DEPDC5: variants seen among roughly 807,000 people sequenced by gnomAD.
DEPDC5 encodes the protein DEP domain containing 5, GATOR1 subcomplex subunit, also known as GATOR1 complex protein DEPDC5.
A neutral mutation model predicts 217.3 loss-of-function variants in DEPDC5; 73 were observed. The ratio of observed to expected loss-of-function variants is 0.34; its 90% CI spans 0.28 to 0.41. The LOEUF (loss-of-function observed/expected upper bound fraction) is 0.41. Among genes scored for constraint, DEPDC5 ranks in the 10% least tolerant of loss-of-function variants. The probability of loss-of-function intolerance (pLI) is 1.00; values close to 1 mark genes in which losing one functional copy is unlikely to be tolerated. For missense variants in DEPDC5, 1,675 were observed against 2,070.1 expected, an observed-to-expected ratio of 0.81 and a Z score of 3.70; for synonymous variants, 733 against 756.7, an observed-to-expected ratio of 0.97 and a Z score of 0.51.
At chr22:31,842,245 G>T (rs1237217565) in intron 27 of DEPDC5, among the ~76,000 whole-genome samples, 1 of 152,208 alleles carries the variant, frequency 6.6e-6, no homozygotes, top group Non-Finnish European at 1.5e-5. Context: ...GATGATCTGG[G>T]ATTTCAGTGG....
At chr22:31,815,406 T>C (rs1568993662) in intron 21 of DEPDC5, 194 bp downstream of exon 21, 1 of 690,772 alleles carries the variant, frequency 1.4e-6, no homozygotes, top group Admixed American at 2.5e-5. Flanking sequence ...TTTTTTTTTT[T>C]TGGTGACAGA....
At chr22:31,862,421 C>T (rs1451637292) in intron 33 of DEPDC5, among the ~76,000 whole-genome samples, 1 of 150,270 alleles carries the variant, frequency 6.7e-6, no homozygotes. Flanking sequence ...AAAAAGTAGT[C>T]GGGCATGGTG....
intron 38 of DEPDC5, among the ~76,000 whole-genome samples, chr22:31,880,884 C>T (rs1049643975): frequency 2.0e-5 from 3 of 152,052 alleles, no homozygotes; most frequent in Non-Finnish European, 2.9e-5. Context: ...ATTAGCCAGG[C>T]GTGACAGTGT....
intron 24 of DEPDC5, among the ~76,000 whole-genome samples, chr22:31,828,356 C>T (rs1342954337): frequency 5.4e-5 from 8 of 147,880 alleles, no homozygotes; most frequent in Non-Finnish European, 5.9e-5. Context: ...GAGGCTGAGG[C>T]AGGAGAATCG....
chr22:31,893,979 C>A, intron 39 of DEPDC5: 1 of 404,374 alleles, frequency 2.5e-6, no homozygotes, highest in Non-Finnish European at 4.2e-6. Context: ...ACATCTGAGG[C>A]CAGATAATTC....
At chr22:31,879,029 C>CAAAGA (rs1425789379) in intron 37 of DEPDC5, among the ~76,000 whole-genome samples, 1,274 of 67,580 alleles carry the variant, frequency 0.019, 14 homozygotes, top group Non-Finnish European at 0.022. Context: ...GACTCCGTCT[C>CAAAGA]AAAAAAAAAA....
intron 33 of DEPDC5, among the ~76,000 whole-genome samples, chr22:31,870,179 CT>C (rs2092802436): frequency 6.6e-6 from 1 of 152,206 alleles, no homozygotes; most frequent in East Asian, 1.9e-4. Context: ...TAAATGTGGT[CT>C]TTCAGTCCTG....
chr22:31,803,984 A>G (rs1160516301), intron 15 of DEPDC5, among the ~76,000 whole-genome samples, 178 bp from the exon 16 acceptor site: 1 of 152,212 alleles, frequency 6.6e-6, no homozygotes, highest in Non-Finnish European at 1.5e-5. Flanking sequence ...GGAAAAGAGG[A>G]AACAGACAAA....
intron 7 of DEPDC5, 182 bp downstream of exon 7, chr22:31,769,045 G>A (rs1163147274): frequency 3.2e-6 from 2 of 620,816 alleles, no homozygotes; most frequent in Non-Finnish European, 5.6e-6. Context: ...CGGATCACGA[G>A]GTCAGGAGAT....
At chr22:31,758,796 G>C (rs1168367976) in intron 3 of DEPDC5, among the ~76,000 whole-genome samples, 163 bp downstream of exon 3, 1 of 151,974 alleles carries the variant, frequency 6.6e-6, no homozygotes, top group East Asian at 1.9e-4. Context: ...TTTGAGCCCG[G>C]GAGTTCGAGA....
Position 31,906,256 on chromosome 22 carries a change from A to AGCG in DEPDC5, c.4582_4584dup (p.Arg1528dup). ...TCCAAGCGCAAGTTCTCAGGGCAGC[A>AGCG]GCGGCGGCGGCGGAACTCCACCAGC... is the stretch of plus-strand genomic sequence containing the variant. On this transcript the variant is annotated inframe_insertion, in exon 43 of 43. Transcript: ENST00000651528. This position sits in a 1 kb window ranked among gnomAD's most constrained non-coding sequence, Gnocchi z 5.1. The AGCG allele has an allele frequency of 6.2e-7, 1 of 1,613,958 alleles. No individual in the cohort carries two copies. Among genetic ancestry groups the AGCG allele is most frequent in the Non-Finnish European group, 8.5e-7 (1 of 1,179,962 alleles).
At chr22:31,799,045 C>CTTTTT (rs552961998) in intron 14 of DEPDC5, among the ~76,000 whole-genome samples, 1 of 138,632 alleles carries the variant, frequency 7.2e-6, no homozygotes, top group Non-Finnish European at 1.6e-5. Flanking sequence ...AGCAAACTTA[C>CTTTTT]TTTTTTTTTT....
chr22:31,786,425 A>T (rs1240954277), intron 10 of DEPDC5, among the ~76,000 whole-genome samples: 1 of 71,190 alleles, frequency 1.4e-5, no homozygotes, highest in Non-Finnish European at 2.7e-5. Flanking sequence ...TGTGGTAGCT[A>T]AAAAAAAAAA....
At position 31,798,565 on chromosome 22, in the gene DEPDC5, T is replaced by G. The variant is rs748404092; in HGVS notation, c.872-17T>G. On this transcript the variant is annotated splice_polypyrimidine_tract_variant and intron_variant, in intron 13 of 42. Coordinates refer to ENST00000651528, the MANE Select transcript of DEPDC5 (RefSeq NM_001242896.3). ...TTTCATGAGATGTTTTTCTTTCTCT[T>G]GCATATTTTGCTTCAGAGGGCTTTC... 1.9e-6 allele frequency: 3 copies of G among 1,603,348 alleles called. No individual in the cohort carries two copies. The South Asian group carries it at 3.3e-5, about 18-fold the overall frequency.
At chr22:31,893,484 C>T in intron 38 of DEPDC5, 98 bp from the exon 39 acceptor site, 2 of 1,262,796 alleles carry the variant, frequency 1.6e-6, no homozygotes, top group Non-Finnish European at 2.1e-6. Context: ...CTTTTAGGCA[C>T]TTGTATATAG....
intron 18 of DEPDC5, among the ~76,000 whole-genome samples, chr22:31,808,774 C>G (rs1255547367): frequency 6.6e-6 from 1 of 151,786 alleles, no homozygotes; most frequent in African/African-American, 2.4e-5. Flanking sequence ...ACCATGTTGG[C>G]CAGGCTGGTA....
chr22:31,902,174 A>G (rs1393186303), intron 41 of DEPDC5, among the ~76,000 whole-genome samples: 1 of 152,066 alleles, frequency 6.6e-6, no homozygotes, highest in African/African-American at 2.4e-5. Context: ...ATGGTTAAAA[A>G]GCAATAGATG....
At chr22:31,777,221 A>G (rs1013706986) in intron 7 of DEPDC5, among the ~76,000 whole-genome samples, 1 of 147,534 alleles carries the variant, frequency 6.8e-6, no homozygotes, top group Admixed American at 6.8e-5. Flanking sequence ...CAGCCTCTCA[A>G]CGTGTTGGGA....
rs1287359864 is a variant in DEPDC5, at chr22:31,798,615, C to T, written c.905C>T (p.Ala302Val). ...CCTCAAGGAGATAATTCTACCTCAG[C>T]ACAAGGAAACTACCTGGAGGCCATC... is the stretch of plus-strand genomic sequence containing the variant. ...GFPQGDNSTS[A>V]QGNYLEAINL... The change falls in exon 14 of 43, where the codon GCA (alanine) becomes GTA (valine). Residue 302 changes from alanine (A) to valine (V), a missense_variant. Ala to Val is a moderately conservative substitution (Grantham distance 64). Around this residue, in one of 11 missense-constraint regions of DEPDC5, gnomAD observed 628 missense variants for 762.1 expected, o/e 0.82. Coordinates refer to ENST00000651528, the MANE Select transcript of DEPDC5 (RefSeq NM_001242896.3). The T allele has an allele frequency of 1.9e-6, 3 of 1,611,726 alleles. No homozygotes were observed.
Sources: gnomAD v4.1 joint callset for allele counts (sites outside exome capture counted in the v4.1 genomes callset) on GRCh38, gnomAD v4.1.1 for gene constraint, gnomAD v4.1.1 regional missense constraint, Gnocchi (gnomAD v3.1) non-coding constraint, MANE v1.5 for transcripts, NCBI Gene and HGNC (gene_info 2026-07-23, HGNC 2026-07-21) for gene names.